NAV3: variants seen among roughly 807,000 people sequenced by gnomAD.
NAV3 encodes pore membrane and/or filament interacting like protein 1.
Under a neutral mutation model 244.7 loss-of-function variants are expected in NAV3, and 87 were observed. That is an observed-to-expected ratio of 0.36 (90% CI 0.30 to 0.42). The LOEUF is 0.42. Among genes scored for constraint, NAV3 ranks in the 20% least tolerant of loss-of-function variants. NAV3 has a pLI of 1.00. For synonymous variants in NAV3, 1,126 were observed against 1,042.2 expected, an observed-to-expected ratio of 1.08 and a Z score of -1.55; for missense variants, 2,663 against 2,893.3, an observed-to-expected ratio of 0.92 and a Z score of 1.83.
chr12:77,677,441 A>G (rs912954559), intron 2 of NAV3, among the ~76,000 whole-genome samples: 1 of 152,220 alleles, frequency 6.6e-6, no homozygotes, highest in Non-Finnish European at 1.5e-5. Context: ...TGTTGTTGCC[A>G]TCTTAAAATT....
intron 2 of NAV3, among the ~76,000 whole-genome samples, chr12:77,798,995 C>A (rs1435352469): frequency 6.6e-6 from 1 of 152,192 alleles, no homozygotes; most frequent in Admixed American, 6.5e-5. Context: ...TTTGATTGCA[C>A]TTCTGCATTT....
chr12:77,599,687 G>T (rs1188109943), intron 2 of NAV3, among the ~76,000 whole-genome samples: 4 of 151,462 alleles, frequency 2.6e-5, no homozygotes, highest in African/African-American at 9.7e-5. Flanking sequence ...GTTATCATAG[G>T]TTCCTTAACA....
intron 12 of NAV3, among the ~76,000 whole-genome samples, chr12:78,111,613 G>A (rs144241658): frequency 1.3e-5 from 2 of 152,188 alleles, no homozygotes; most frequent in Admixed American, 1.3e-4. Flanking sequence ...GTATTGACAA[G>A]GATATGGAGC....
chr12:77,897,937 C>T (rs1884817685), intron 1 of NAV3, among the ~76,000 whole-genome samples: 1 of 152,152 alleles, frequency 6.6e-6, no homozygotes, highest in Non-Finnish European at 1.5e-5. Context: ...AGTGGTTGGC[C>T]TCCCAGCTAA....
chr12:77,848,614 T>G (rs559292959), intron 1 of NAV3, among the ~76,000 whole-genome samples: 1 of 152,212 alleles, frequency 6.6e-6, no homozygotes, highest in Non-Finnish European at 1.5e-5. Flanking sequence ...CACAGGAACT[T>G]TATCCTCCAC....
intron 5 of NAV3, 48 bp downstream of exon 5, chr12:77,968,750 A>G (rs767004434): frequency 1.3e-6 from 2 of 1,561,914 alleles, no homozygotes; most frequent in Non-Finnish European, 1.7e-6. Context: ...TTGTGTAGAT[A>G]CAACTTGTTT....
chr12:77,997,104 T>C (rs942822974), intron 6 of NAV3, among the ~76,000 whole-genome samples: 1 of 151,882 alleles, frequency 6.6e-6, no homozygotes, highest in Non-Finnish European at 1.5e-5. Flanking sequence ...CCGGGCATGA[T>C]AGCAAGTGCC....
At chr12:77,599,358 TATTG>T (rs1310347268) in intron 2 of NAV3, among the ~76,000 whole-genome samples, 2 of 151,936 alleles carry the variant, frequency 1.3e-5, no homozygotes, top group East Asian at 3.9e-4. Context: ...ATTGAAGAAA[TATTG>T]GGTGTTGCGC....
chr12:78,179,345 C>T (rs545234774), intron 28 of NAV3, 184 bp from the exon 29 acceptor site: 22 of 507,228 alleles, frequency 4.3e-5, no homozygotes, highest in Non-Finnish European at 7.0e-5. Context: ...AAGCTACTTC[C>T]GTTTTGAACC....
intron 12 of NAV3, among the ~76,000 whole-genome samples, chr12:78,104,767 T>G (rs1166428392): frequency 6.6e-6 from 1 of 152,214 alleles, no homozygotes; most frequent in Non-Finnish European, 1.5e-5. Context: ...ACAGTCTTCC[T>G]GATCACTGAT....
chr12:77,985,127 TGAA>T (rs1326972762), intron 5 of NAV3, among the ~76,000 whole-genome samples: 1 of 152,174 alleles, frequency 6.6e-6, no homozygotes, highest in Non-Finnish European at 1.5e-5. Context: ...ATACTTTTTA[TGAA>T]GAATATTAGT....
At chr12:77,906,092 C>T (rs915731350) in intron 1 of NAV3, among the ~76,000 whole-genome samples, 1 of 152,084 alleles carries the variant, frequency 6.6e-6, no homozygotes, top group African/African-American at 2.4e-5. Flanking sequence ...GAGCTATAGG[C>T]ACTGGATTGA....
intron 2 of NAV3, among the ~76,000 whole-genome samples, chr12:77,574,606 A>G (rs951045495): frequency 6.6e-6 from 1 of 152,096 alleles, no homozygotes; most frequent in East Asian, 1.9e-4. Flanking sequence ...AGCATTTTTT[A>G]ATATTACTGA....
At chr12:78,114,566 T>C (rs75823379) in intron 12 of NAV3, among the ~76,000 whole-genome samples, 1 of 152,000 alleles carries the variant, frequency 6.6e-6, no homozygotes, top group Non-Finnish European at 1.5e-5. Context: ...AGTCATCAGA[T>C]CTCATGAGAA....
chr12:77,931,537 C>T (rs1293935380), intron 1 of NAV3, among the ~76,000 whole-genome samples: 8 of 151,946 alleles, frequency 5.3e-5, no homozygotes, highest in African/African-American at 1.7e-4. Context: ...CCTGGTAAAC[C>T]TCAATTCTCT....
chr12:77,605,605 C>T (rs1870636435), intron 2 of NAV3, among the ~76,000 whole-genome samples: 1 of 151,990 alleles, frequency 6.6e-6, no homozygotes, highest in South Asian at 2.1e-4. Flanking sequence ...TTCATTTTGT[C>T]CTGTAAGATT....
chr12:77,919,670 G>A (rs964386357), intron 1 of NAV3, among the ~76,000 whole-genome samples: 1 of 151,952 alleles, frequency 6.6e-6, no homozygotes, highest in Admixed American at 6.6e-5. Flanking sequence ...TCTTTAAGGC[G>A]AAGTACTTCA....
chr12:77,679,514 T>G (rs1238798804), intron 2 of NAV3, among the ~76,000 whole-genome samples: 1 of 151,762 alleles, frequency 6.6e-6, no homozygotes, highest in African/African-American at 2.4e-5. Context: ...TACATAAGTC[T>G]GGATCTCAAA....
chr12:78,037,104 C>T, intron 9 of NAV3: 1 of 703,024 alleles, frequency 1.4e-6, no homozygotes, highest in East Asian at 2.7e-5. Context: ...GTCCCTGTAT[C>T]ACACCAGCAG....
Sources: gnomAD v4.1 joint callset for allele counts (sites outside exome capture counted in the v4.1 genomes callset) on GRCh38, gnomAD v4.1.1 for gene constraint, MANE v1.5 for transcripts, NCBI Gene and HGNC (gene_info 2026-07-23, HGNC 2026-07-21) for gene names.